PITPNC1: variants seen among roughly 807,000 people sequenced by gnomAD.
PITPNC1 encodes the protein phosphatidylinositol transfer protein cytoplasmic 1, also known as cytoplasmic phosphatidylinositol transfer protein 1.
PITPNC1 carries 18 observed loss-of-function variants against 44.7 expected under a neutral mutation model. That is an observed-to-expected ratio of 0.40 (90% CI 0.28 to 0.60). The LOEUF (loss-of-function observed/expected upper bound fraction) is 0.60. Among genes scored for constraint, PITPNC1 ranks in the 20% least tolerant of loss-of-function variants. The probability of loss-of-function intolerance (pLI) is 0.39; values close to 1 mark genes in which losing one functional copy is unlikely to be tolerated. For missense variants in PITPNC1, 290 were observed against 418.4 expected (o/e 0.69, Z 2.68); for synonymous variants, 141 against 149.6 (o/e 0.94, Z 0.42).
chr17:67,549,414 G>A (rs2040727898), intron 2 of PITPNC1, among the ~76,000 whole-genome samples: 1 of 152,186 alleles, frequency 6.6e-6, no homozygotes, highest in South Asian at 2.1e-4. Flanking sequence ...CAGCTATCTT[G>A]ACTAAATGAT....
chr17:67,602,972 C>G (rs563245277), intron 5 of PITPNC1, among the ~76,000 whole-genome samples: 1 of 151,994 alleles, frequency 6.6e-6, no homozygotes, highest in African/African-American at 2.4e-5. Context: ...AACTCCTGGG[C>G]TCAAGTGATC....
intron 4 of PITPNC1, among the ~76,000 whole-genome samples, chr17:67,570,490 T>C (rs2041038838): frequency 6.6e-6 from 1 of 152,222 alleles, no homozygotes; most frequent in African/African-American, 2.4e-5. Context: ...TGCATCTTCA[T>C]AGTGGAGGAT....
chr17:67,447,064 T>G (rs1258637853), intron 1 of PITPNC1, among the ~76,000 whole-genome samples: 2 of 114,790 alleles, frequency 1.7e-5, no homozygotes, highest in Non-Finnish European at 3.3e-5. Context: ...CACTCCAGCC[T>G]GGGCCATAGA....
At chr17:67,485,464 A>G (rs1034186222) in intron 1 of PITPNC1, among the ~76,000 whole-genome samples, 2 of 148,800 alleles carry the variant, frequency 1.3e-5, no homozygotes, top group Admixed American at 1.4e-4. Flanking sequence ...TCCTGGATTC[A>G]GGCGATTCTC....
At chr17:67,507,946 CTT>C (rs1424225377) in intron 1 of PITPNC1, among the ~76,000 whole-genome samples, 3 of 152,152 alleles carry the variant, frequency 2.0e-5, no homozygotes, top group African/African-American at 7.2e-5. Flanking sequence ...ACCTGGATCG[CTT>C]TCCTGGGCTG....
At chr17:67,477,718 A>C (rs1260704044) in intron 1 of PITPNC1, among the ~76,000 whole-genome samples, 1 of 152,032 alleles carries the variant, frequency 6.6e-6, no homozygotes, top group Non-Finnish European at 1.5e-5. Context: ...TTTAATTTTT[A>C]CCATTCAGAC....
intron 1 of PITPNC1, among the ~76,000 whole-genome samples, chr17:67,386,019 T>C (rs369423587): frequency 2.6e-5 from 4 of 152,254 alleles, no homozygotes; most frequent in East Asian, 3.9e-4. Context: ...CTTTTTCTTA[T>C]TGTGATATGG....
chr17:67,395,474 G>GT (rs1426766896), intron 1 of PITPNC1, among the ~76,000 whole-genome samples: 2 of 152,104 alleles, frequency 1.3e-5, no homozygotes, highest in Non-Finnish European at 2.9e-5. Context: ...GAAAACAGGG[G>GT]TTATCACTAG....
intron 1 of PITPNC1, among the ~76,000 whole-genome samples, chr17:67,393,806 C>G (rs901421373): frequency 2.0e-5 from 3 of 152,078 alleles, no homozygotes; most frequent in Admixed American, 2.0e-4. Flanking sequence ...TATTTAGACC[C>G]CTTTTCTGAG....
intron 1 of PITPNC1, among the ~76,000 whole-genome samples, chr17:67,521,327 C>A (rs1348529040): frequency 6.6e-6 from 1 of 152,166 alleles, no homozygotes; most frequent in Non-Finnish European, 1.5e-5. Context: ...CTTCTTAAAT[C>A]TTTTTATCAG....
chr17:67,665,931 C>A (rs937195454), intron 6 of PITPNC1, among the ~76,000 whole-genome samples: 4 of 151,796 alleles, frequency 2.6e-5, no homozygotes, highest in African/African-American at 9.7e-5. Context: ...ACCTCCGTTT[C>A]CTGGATTCAA....
At chr17:67,548,661 C>T (rs1388520198) in intron 2 of PITPNC1, among the ~76,000 whole-genome samples, 1 of 152,132 alleles carries the variant, frequency 6.6e-6, no homozygotes, top group Non-Finnish European at 1.5e-5. Flanking sequence ...ATTGACAAGG[C>T]ATCTGGGGGA....
At chr17:67,650,290 C>T (rs1206081989) in intron 6 of PITPNC1, among the ~76,000 whole-genome samples, 1 of 152,082 alleles carries the variant, frequency 6.6e-6, no homozygotes, top group Non-Finnish European at 1.5e-5. Context: ...GACTCTGGTA[C>T]GGAGCAAGCA....
At chr17:67,606,757 G>A (rs572092144) in intron 5 of PITPNC1, among the ~76,000 whole-genome samples, 15 of 151,792 alleles carry the variant, frequency 9.9e-5, no homozygotes, top group African/African-American at 3.6e-4. Context: ...GGCCAGAAGA[G>A]GGTTTTTTTT....
intron 1 of PITPNC1, among the ~76,000 whole-genome samples, chr17:67,504,117 G>C (rs2040070894): frequency 6.6e-6 from 1 of 152,204 alleles, no homozygotes; most frequent in South Asian, 2.1e-4. Flanking sequence ...AGACCCTGAG[G>C]CTTCTGCCTC....
intron 1 of PITPNC1, among the ~76,000 whole-genome samples, chr17:67,409,271 A>G (rs2038455645): frequency 6.7e-6 from 1 of 148,594 alleles, no homozygotes; most frequent in Admixed American, 6.7e-5. Context: ...TTTTTAGTAG[A>G]GACGGGGTTT....
At chr17:67,470,965 G>A (rs533944622) in intron 1 of PITPNC1, among the ~76,000 whole-genome samples, 41 of 124,482 alleles carry the variant, frequency 3.3e-4, no homozygotes, top group African/African-American at 1.2e-3. Flanking sequence ...GATTAAGGGC[G>A]GTGCAAGATG....
At chr17:67,603,379 C>T (rs1425323924) in intron 5 of PITPNC1, among the ~76,000 whole-genome samples, 3 of 152,198 alleles carry the variant, frequency 2.0e-5, no homozygotes, top group Non-Finnish European at 4.4e-5. Context: ...GATGGTCAGA[C>T]GGATATTGGC....
At chr17:67,652,101 A>G (rs1354628073) in intron 6 of PITPNC1, among the ~76,000 whole-genome samples, 9 of 152,164 alleles carry the variant, frequency 5.9e-5, no homozygotes, top group African/African-American at 2.2e-4. Flanking sequence ...TTCATTTAGC[A>G]TTTATCAAAA....
Sources: gnomAD v4.1 joint callset for allele counts (sites outside exome capture counted in the v4.1 genomes callset) on GRCh38, gnomAD v4.1.1 for gene constraint, MANE v1.5 for transcripts, NCBI Gene and HGNC (gene_info 2026-07-23, HGNC 2026-07-21) for gene names.